Variants in TNIP3 observed in about 807,000 individuals in gnomAD.
The protein encoded by TNIP3 is TNFAIP3 interacting protein 3, also known as TNFAIP3-interacting protein 3.
Under a neutral mutation model 54.1 loss-of-function variants are expected in TNIP3, and 34 were observed. The ratio of observed to expected loss-of-function variants is 0.63; its 90% CI spans 0.48 to 0.84. The LOEUF (loss-of-function observed/expected upper bound fraction) is 0.84. TNIP3 is among the 40% of genes least tolerant of loss of function. The pLI is 0.00. For missense variants in TNIP3, 366 were observed against 387.6 expected (o/e 0.94, Z 0.47); for synonymous variants, 134 against 136.8 (o/e 0.98, Z 0.14).
chr4:121,134,516 G>A (rs1728665280), intron 10 of TNIP3, among the ~76,000 whole-genome samples: 1 of 152,186 alleles, frequency 6.6e-6, no homozygotes, highest in African/African-American at 2.4e-5. Context: ...GGACTTCAAT[G>A]TATTAAAAAC....
chr4:121,170,949 G>A (rs1731032726), intron 3 of TNIP3, among the ~76,000 whole-genome samples: 1 of 152,090 alleles, frequency 6.6e-6, no homozygotes, highest in Non-Finnish European at 1.5e-5. Flanking sequence ...CCGAGTAGCT[G>A]GGATTACAGG....
chr4:121,160,314 A>G (rs1560656703), intron 2 of TNIP3, among the ~76,000 whole-genome samples: 2 of 152,294 alleles, frequency 1.3e-5, no homozygotes, highest in East Asian at 3.9e-4. Flanking sequence ...CCCCATCTCT[A>G]CTAAAGATAC....
At chr4:121,227,055 G>T (rs1305892327) in intron 1 of TNIP3, among the ~76,000 whole-genome samples, 4 of 152,072 alleles carry the variant, frequency 2.6e-5, no homozygotes, top group Non-Finnish European at 5.9e-5. Flanking sequence ...AAGTAATAAA[G>T]CAAATAGGGT....
At chr4:121,172,582 AT>A (rs1240707664) in intron 3 of TNIP3, among the ~76,000 whole-genome samples, 1 of 152,220 alleles carries the variant, frequency 6.6e-6, no homozygotes, top group Non-Finnish European at 1.5e-5. Context: ...ATAGACAACA[AT>A]TTTTTGTATG....
At chr4:121,168,967 C>G (rs111875054), upstream of TNIP3, among the ~76,000 whole-genome samples, 3,853 of 152,090 alleles carry the variant, frequency 0.025, 161 homozygotes, top group African/African-American at 0.087. Context: ...TGCATGACAC[C>G]AACTCACCAT....
intron 10 of TNIP3, chr4:121,138,079 G>A (rs886665419): frequency 2.3e-6 from 1 of 439,538 alleles, no homozygotes; most frequent in African/African-American, 2.0e-5. Context: ...ACTCTTAGTT[G>A]TGAGTACTTC....
At chr4:121,213,455 G>A (rs905387926) in intron 2 of TNIP3, among the ~76,000 whole-genome samples, 5 of 151,956 alleles carry the variant, frequency 3.3e-5, no homozygotes, top group Admixed American at 6.5e-5. Context: ...AGCCAGGCAC[G>A]GTGGCTCACG....
At chr4:121,216,689 G>T, upstream of TNIP3, 1 of 1,341,916 alleles carries the variant, frequency 7.5e-7, no homozygotes. Context: ...CTTCTGCCTA[G>T]TTTCAATGAA....
intron 2 of TNIP3, among the ~76,000 whole-genome samples, chr4:121,204,475 T>C (rs957500483): frequency 6.6e-6 from 1 of 152,188 alleles, no homozygotes; most frequent in Non-Finnish European, 1.5e-5. Context: ...GCTGACCACC[T>C]TGGGCACATG....
intron 2 of TNIP3, among the ~76,000 whole-genome samples, chr4:121,193,192 G>A (rs568298842): frequency 6.6e-6 from 1 of 152,254 alleles, no homozygotes; most frequent in South Asian, 2.1e-4. Context: ...TATCAGAGAT[G>A]AGAAGAGACA....
At chr4:121,138,082 A>G in intron 10 of TNIP3, 4 of 435,912 alleles carry the variant, frequency 9.2e-6, no homozygotes, top group South Asian at 6.6e-5. Flanking sequence ...CTTAGTTGTG[A>G]GTACTTCATA....
chr4:121,137,961 C>T (rs1346855552), intron 10 of TNIP3: 1 of 456,136 alleles, frequency 2.2e-6, no homozygotes, highest in Non-Finnish European at 4.4e-6. Context: ...ATACAGCCCG[C>T]TTCTGGGTGG....
chr4:121,175,292 AC>A (rs1217612342), intron 3 of TNIP3, among the ~76,000 whole-genome samples: 1 of 152,180 alleles, frequency 6.6e-6, no homozygotes, highest in African/African-American at 2.4e-5. Context: ...TAAGGATAAT[AC>A]CTTTGGCTTT....
At chr4:121,148,941 A>G (rs1729582377) in intron 6 of TNIP3, among the ~76,000 whole-genome samples, 1 of 152,194 alleles carries the variant, frequency 6.6e-6, no homozygotes, top group African/African-American at 2.4e-5. Flanking sequence ...CATTGCTAAT[A>G]TGTTACTGAC....
At chr4:121,186,378 A>C (rs2148829752) in intron 2 of TNIP3, among the ~76,000 whole-genome samples, 1 of 152,236 alleles carries the variant, frequency 6.6e-6, no homozygotes, top group African/African-American at 2.4e-5. Context: ...AAGGACTTGC[A>C]CTCACTGTCT....
chr4:121,174,235 A>T (rs1478692237), intron 3 of TNIP3, among the ~76,000 whole-genome samples: 1 of 152,092 alleles, frequency 6.6e-6, no homozygotes, highest in African/African-American at 2.4e-5. Flanking sequence ...AAATACCAAA[A>T]GTTATAATTA....
At chr4:121,210,504 C>T (rs1267432380) in intron 2 of TNIP3, among the ~76,000 whole-genome samples, 1 of 152,084 alleles carries the variant, frequency 6.6e-6, no homozygotes, top group Non-Finnish European at 1.5e-5. Context: ...TTATTAAGTA[C>T]CAGTAGCATA....
intron 2 of TNIP3, among the ~76,000 whole-genome samples, chr4:121,210,842 T>C (rs769550178): frequency 6.6e-6 from 1 of 152,094 alleles, no homozygotes; most frequent in Non-Finnish European, 1.5e-5. Context: ...CACATTGGGG[T>C]TTAGGAGTTC....
intron 2 of TNIP3, among the ~76,000 whole-genome samples, chr4:121,202,309 G>A (rs1035721345): frequency 7.2e-5 from 11 of 152,094 alleles, no homozygotes; most frequent in Non-Finnish European, 1.5e-4. Context: ...AACATAAAGT[G>A]GGGAAAGGAC....
Sources: allele counts gnomAD v4.1 joint callset (sites outside exome capture counted in the v4.1 genomes callset), GRCh38; gene constraint gnomAD v4.1.1; transcripts MANE v1.5; gene names NCBI Gene and HGNC (gene_info 2026-07-23, HGNC 2026-07-21).